SLC25A26: variants seen among roughly 807,000 people sequenced by gnomAD.
SLC25A26 encodes the protein solute carrier family 25 member 26.
In SLC25A26, 36 loss-of-function variants were observed where a neutral mutation model predicts 37.8. That is an observed-to-expected ratio of 0.95 (90% confidence interval 0.73 to 1.26). The LOEUF is 1.26. Ranked by LOEUF, SLC25A26 falls within the 50% of genes most tolerant of loss-of-function variation. The pLI is 0.00. For missense variants in SLC25A26, 390 were observed against 331.1 expected (o/e 1.18, Z -1.38); for synonymous variants, 129 against 122.5 (o/e 1.05, Z -0.35).
intron 1 of SLC25A26, among the ~76,000 whole-genome samples, chr3:66,212,713 T>C (rs1424338173): frequency 6.6e-6 from 1 of 152,210 alleles, no homozygotes; most frequent in Non-Finnish European, 1.5e-5. Context: ...ACTCTGGACA[T>C]CTCACCTAAA....
At chr3:66,248,934 C>T (rs1295914463) in intron 3 of SLC25A26, among the ~76,000 whole-genome samples, 1 of 152,126 alleles carries the variant, frequency 6.6e-6, no homozygotes, top group African/African-American at 2.4e-5. Context: ...TTGTGCAACT[C>T]ACCAATATTT....
chr3:66,352,428 G>GTTTTTTTTT lies in SLC25A26; in HGVS notation c.498+6026_498+6027insTTTTTTTTT, dbSNP rs1242977476. Among the ~76,000 whole-genome samples the GTTTTTTTTT allele has an allele frequency of 6.5e-4, 82 of 126,642 alleles. 3 individuals carry two copies. The highest frequency in any genetic ancestry group is 2.6e-3 in the African/African-American group (77 of 29,098). 83.1% of individuals were successfully genotyped at this position (126,642 alleles called of 152,430 possible). On this transcript the variant is annotated intron_variant, in intron 6 of 9. Transcript: ENST00000354883. ...TGCCTAGCGCCTCCCCTCGTTTTTT[G>GTTTTTTTTT]TTTTTTGTTTTTTGTTTTTTTTTTT...
chr3:66,280,197 T>G (rs1036142471), intron 5 of SLC25A26, among the ~76,000 whole-genome samples: 1 of 152,194 alleles, frequency 6.6e-6, no homozygotes, highest in African/African-American at 2.4e-5. Flanking sequence ...TGGTATATAG[T>G]TGCCTCTTGG....
chr3:66,166,219 A>G (rs540191361), intron 1 of SLC25A26, among the ~76,000 whole-genome samples: 1 of 152,326 alleles, frequency 6.6e-6, no homozygotes, highest in East Asian at 1.9e-4. Context: ...TAGGAAAAGA[A>G]GACAAGCAAA....
intron 1 of SLC25A26, among the ~76,000 whole-genome samples, chr3:66,208,573 C>T: frequency 6.7e-6 from 1 of 150,352 alleles, no homozygotes; most frequent in East Asian, 2.0e-4. Context: ...AGCTATTCTG[C>T]TTCTTTCGCC....
chr3:66,320,558 G>A (rs1396746179), intron 5 of SLC25A26, among the ~76,000 whole-genome samples: 1 of 152,138 alleles, frequency 6.6e-6, no homozygotes, highest in Non-Finnish European at 1.5e-5. Context: ...GGTATGCAAG[G>A]TTCTGTCTGA....
At chr3:66,282,385 A>G (rs1046830766) in intron 5 of SLC25A26, among the ~76,000 whole-genome samples, 2 of 152,112 alleles carry the variant, frequency 1.3e-5, no homozygotes, top group African/African-American at 2.4e-5. Context: ...ACCTCAAGGG[A>G]GTCGCCCACC....
chr3:66,150,632 A>C (rs1304802638), intron 1 of SLC25A26, among the ~76,000 whole-genome samples: 1 of 85,444 alleles, frequency 1.2e-5, no homozygotes, highest in Admixed American at 1.2e-4. Context: ...ATATATATAT[A>C]TATATATATA....
chr3:66,299,006 T>G (rs1310325721), intron 5 of SLC25A26, among the ~76,000 whole-genome samples: 1 of 152,222 alleles, frequency 6.6e-6, no homozygotes, highest in Admixed American at 6.5e-5. Flanking sequence ...TGTGTAAACT[T>G]AGTTAACTAA....
At chr3:66,219,746 G>A (rs2071418740), upstream of SLC25A26, among the ~76,000 whole-genome samples, 1 of 152,118 alleles carries the variant, frequency 6.6e-6, no homozygotes, top group Non-Finnish European at 1.5e-5. Context: ...TTGTAAGCAG[G>A]GAAATAACAT....
At chr3:66,377,303 G>A (rs1031922101) in intron 9 of SLC25A26, among the ~76,000 whole-genome samples, 6 of 152,100 alleles carry the variant, frequency 3.9e-5, no homozygotes, top group African/African-American at 1.2e-4. Flanking sequence ...TTGTCGTGAC[G>A]TCATGTTTTG....
upstream of SLC25A26, among the ~76,000 whole-genome samples, chr3:66,216,828 A>G (rs2071368989): frequency 6.6e-6 from 1 of 152,340 alleles, no homozygotes; most frequent in East Asian, 1.9e-4. Context: ...ATCTTTTAAA[A>G]TGAAAGATTT....
chr3:66,221,146 G>T lies in SLC25A26; in HGVS notation c.33+19G>T. The T allele has an allele frequency of 6.6e-7, 1 of 1,511,012 alleles. No individual in the cohort carries two copies. Among genetic ancestry groups the T allele is most frequent in the South Asian group, 1.2e-5 (1 of 81,820 alleles). 93.6% of individuals were successfully genotyped at this position (1,511,012 alleles called of 1,614,324 possible). A position where few individuals can be genotyped will look rare whatever the true frequency, so the allele number is the denominator to read the frequency against. The stretch of plus-strand genomic sequence containing the variant: ...GCTGGTGGTGAGTGCGGGGCGGTGG[G>T]GTGGGTTGCTCAGAGTGCCGGCGTC... On this transcript the variant is annotated intron_variant, in intron 1 of 9. Transcript: ENST00000354883.
chr3:66,139,279 C>T (rs1271940717), intron 1 of SLC25A26, among the ~76,000 whole-genome samples: 2 of 152,142 alleles, frequency 1.3e-5, no homozygotes, highest in Non-Finnish European at 2.9e-5. Context: ...GTTGCATTAG[C>T]TTCTCTAATT....
intron 5 of SLC25A26, among the ~76,000 whole-genome samples, chr3:66,269,309 A>G (rs749313260): frequency 2.0e-5 from 3 of 152,250 alleles, no homozygotes; most frequent in South Asian, 2.1e-4. Flanking sequence ...ATGACTAACA[A>G]TTGCTGTGTT....
chr3:66,214,528 AT>A (rs2071332771), intron 1 of SLC25A26, among the ~76,000 whole-genome samples: 1 of 152,222 alleles, frequency 6.6e-6, no homozygotes. Context: ...ATGTTAAAAA[AT>A]ATGCTTTGTT....
intron 1 of SLC25A26, among the ~76,000 whole-genome samples, chr3:66,144,225 A>C (rs1009774153): frequency 6.6e-6 from 1 of 152,182 alleles, no homozygotes. Flanking sequence ...GACTGAGCCA[A>C]GACTGCAAGC....
At chr3:66,175,221 G>T (rs565929818) in intron 1 of SLC25A26, among the ~76,000 whole-genome samples, 22 of 147,410 alleles carry the variant, frequency 1.5e-4, no homozygotes, top group African/African-American at 5.0e-4. Flanking sequence ...CTATATAAAG[G>T]TTTATTTATT....
At chr3:66,273,389 T>G (rs933347621) in intron 5 of SLC25A26, among the ~76,000 whole-genome samples, 2 of 152,148 alleles carry the variant, frequency 1.3e-5, no homozygotes. Flanking sequence ...CTTGTACCTC[T>G]GGTAGAATTC....
Sources: allele counts gnomAD v4.1 joint callset (sites outside exome capture counted in the v4.1 genomes callset), GRCh38; gene constraint gnomAD v4.1.1; transcripts MANE v1.5; gene names NCBI Gene and HGNC (gene_info 2026-07-23, HGNC 2026-07-21).